KCNIP4: variants seen among roughly 807,000 people sequenced by gnomAD.
The protein encoded by KCNIP4 is potassium voltage-gated channel interacting protein 4.
Under a neutral mutation model 34.0 loss-of-function variants are expected in KCNIP4, and 12 were observed. The ratio of observed to expected loss-of-function variants is 0.35; its 90% confidence interval spans 0.23 to 0.57. The LOEUF is 0.57. KCNIP4 is among the 20% of genes least tolerant of loss of function. The pLI, the probability that KCNIP4 is intolerant of heterozygous loss-of-function variation, is 0.83. For synonymous variants in KCNIP4, 124 were observed against 102.2 expected (o/e 1.21, Z -1.29); for missense variants, 238 against 311.7 (o/e 0.76, Z 1.78).
At chr4:21,182,412 T>TC (rs1754905767) in intron 1 of KCNIP4, among the ~76,000 whole-genome samples, 1 of 107,950 alleles carries the variant, frequency 9.3e-6, no homozygotes, top group Non-Finnish European at 2.0e-5. Context: ...TTTCCTCTTT[T>TC]CCCTCCCCCT....
At chr4:20,964,109 T>C (rs1392747108) in intron 1 of KCNIP4, among the ~76,000 whole-genome samples, 1 of 152,142 alleles carries the variant, frequency 6.6e-6, no homozygotes. Flanking sequence ...AACCTATAAG[T>C]ATTTTACATA....
chr4:21,388,009 G>T (rs188290712), intron 1 of KCNIP4, among the ~76,000 whole-genome samples: 2 of 151,828 alleles, frequency 1.3e-5, no homozygotes, highest in African/African-American at 2.4e-5. Context: ...TCTCTGGGAC[G>T]GGATGAAAGG....
At chr4:21,232,807 A>G (rs1336536760) in intron 1 of KCNIP4, among the ~76,000 whole-genome samples, 1 of 152,162 alleles carries the variant, frequency 6.6e-6, no homozygotes, top group Non-Finnish European at 1.5e-5. Context: ...AATATGATGT[A>G]TATGTATATG....
At chr4:21,239,444 C>T (rs558613688) in intron 1 of KCNIP4, among the ~76,000 whole-genome samples, 22 of 151,644 alleles carry the variant, frequency 1.5e-4, no homozygotes, top group African/African-American at 1.9e-4. Context: ...AGGCAACCTA[C>T]AGAATGGGAG....
intron 1 of KCNIP4, among the ~76,000 whole-genome samples, chr4:21,248,403 A>G (rs1760448883): frequency 6.6e-6 from 1 of 152,138 alleles, no homozygotes; most frequent in Non-Finnish European, 1.5e-5. Context: ...TTGTGTTTAA[A>G]TTCACACCTT....
At chr4:20,833,621 A>C (rs1718687483) in intron 3 of KCNIP4, among the ~76,000 whole-genome samples, 1 of 152,152 alleles carries the variant, frequency 6.6e-6, no homozygotes, top group Non-Finnish European at 1.5e-5. Flanking sequence ...CTAACACGGT[A>C]TTTCATACCA....
intron 1 of KCNIP4, among the ~76,000 whole-genome samples, chr4:20,989,611 A>G (rs962790694): frequency 1.3e-5 from 2 of 152,194 alleles, no homozygotes; most frequent in African/African-American, 4.8e-5. Flanking sequence ...AACCTAATCT[A>G]GGTCATTGAA....
intron 1 of KCNIP4, among the ~76,000 whole-genome samples, chr4:21,788,918 C>T (rs1157979305): frequency 6.6e-6 from 1 of 151,802 alleles, no homozygotes; most frequent in African/African-American, 2.4e-5. Flanking sequence ...ACTAAAAATA[C>T]AACAATTAGC....
chr4:20,880,477 C>T (rs988515942), intron 2 of KCNIP4, among the ~76,000 whole-genome samples: 2 of 152,084 alleles, frequency 1.3e-5, no homozygotes, highest in Non-Finnish European at 2.9e-5. Context: ...TTAGTATTTT[C>T]TATTTTTTTT....
chr4:21,524,682 T>C (rs1248260535), intron 1 of KCNIP4, among the ~76,000 whole-genome samples: 1 of 152,170 alleles, frequency 6.6e-6, no homozygotes, highest in African/African-American at 2.4e-5. Context: ...TTCCATACCA[T>C]CTAATCTTTT....
At chr4:21,554,369 A>T (rs1465127880) in intron 1 of KCNIP4, among the ~76,000 whole-genome samples, 1 of 152,100 alleles carries the variant, frequency 6.6e-6, no homozygotes, top group African/African-American at 2.4e-5. Context: ...TCTAGGTTTG[A>T]TGGGGAGCCA....
At chr4:21,019,811 T>C (rs1365845829) in intron 1 of KCNIP4, among the ~76,000 whole-genome samples, 1 of 152,170 alleles carries the variant, frequency 6.6e-6, no homozygotes, top group African/African-American at 2.4e-5. Context: ...ATTCGCAGTA[T>C]GTCTCACAGC....
intron 1 of KCNIP4, among the ~76,000 whole-genome samples, chr4:21,752,520 T>A (rs1365345604): frequency 1.3e-5 from 2 of 152,064 alleles, no homozygotes; most frequent in Non-Finnish European, 2.9e-5. Context: ...CACCTGGGGA[T>A]TCCAATTCCA....
chr4:21,831,493 T>A (rs1238655776), intron 1 of KCNIP4, among the ~76,000 whole-genome samples: 4 of 151,210 alleles, frequency 2.6e-5, no homozygotes, highest in Non-Finnish European at 1.5e-5. Context: ...ACCACAGAAA[T>A]ACAAAGGATC....
At chr4:21,069,193 A>G (rs1744674581) in intron 1 of KCNIP4, among the ~76,000 whole-genome samples, 1 of 152,196 alleles carries the variant, frequency 6.6e-6, no homozygotes, top group Admixed American at 6.5e-5. Context: ...CTATTGACTC[A>G]TATTACACCT....
chr4:21,797,000 T>C (rs1174855131), intron 1 of KCNIP4, among the ~76,000 whole-genome samples: 1 of 152,186 alleles, frequency 6.6e-6, no homozygotes, highest in Non-Finnish European at 1.5e-5. Context: ...CCATTTTCAT[T>C]TTGTGTGAAT....
intron 1 of KCNIP4, among the ~76,000 whole-genome samples, chr4:20,897,511 C>A (rs1407956454): frequency 6.6e-6 from 1 of 152,048 alleles, no homozygotes; most frequent in Non-Finnish European, 1.5e-5. Context: ...CTGCCCCTCC[C>A]TCCCCCCGCC....
At chr4:20,869,412 A>T (rs186903433) in intron 2 of KCNIP4, among the ~76,000 whole-genome samples, 3 of 151,974 alleles carry the variant, frequency 2.0e-5, no homozygotes, top group African/African-American at 7.2e-5. Context: ...ATGAGATGGT[A>T]TATGTGTCTG....
chr4:21,234,467 T>C (rs36007716), intron 1 of KCNIP4, among the ~76,000 whole-genome samples: 30,924 of 114,756 alleles, frequency 0.27, 6,903 homozygotes, highest in South Asian at 0.46. Context: ...ATAACGTATA[T>C]AATATATAGT....
Sources: allele counts gnomAD v4.1 joint callset (sites outside exome capture counted in the v4.1 genomes callset), GRCh38; gene constraint gnomAD v4.1.1; transcripts MANE v1.5; gene names NCBI Gene and HGNC (gene_info 2026-07-23, HGNC 2026-07-21).